Variants in SLIT3 observed in about 807,000 individuals in gnomAD.
The protein encoded by SLIT3 is slit guidance ligand 3.
In SLIT3, 68 loss-of-function variants were observed where a neutral mutation model predicts 184.0. The ratio of observed to expected loss-of-function variants is 0.37; its 90% CI spans 0.30 to 0.45. SLIT3 has a LOEUF of 0.45. Ranked by LOEUF, SLIT3 falls within the 20% of genes least tolerant of loss-of-function variation. The probability of loss-of-function intolerance (pLI) is 1.00; values close to 1 mark genes in which losing one functional copy is unlikely to be tolerated. For synonymous variants in SLIT3, 831 were observed against 828.6 expected, an observed-to-expected ratio of 1.00 and a Z score of -0.05; for missense variants, 1,707 against 2,026.0, an observed-to-expected ratio of 0.84 and a Z score of 3.02.
At chr5:169,159,294 C>T (rs1762401296) in intron 4 of SLIT3, among the ~76,000 whole-genome samples, 1 of 152,180 alleles carries the variant, frequency 6.6e-6, no homozygotes, top group African/African-American at 2.4e-5. Flanking sequence ...TGCATGGTGG[C>T]ACATGCCTGT....
chr5:168,783,724 A>C (rs1163357101), intron 12 of SLIT3, among the ~76,000 whole-genome samples: 1 of 152,160 alleles, frequency 6.6e-6, no homozygotes, highest in African/African-American at 2.4e-5. Context: ...CAGGCTGAAC[A>C]CTAAATTAGA....
intron 3 of SLIT3, among the ~76,000 whole-genome samples, chr5:169,243,590 C>T (rs534863541): frequency 1.4e-4 from 21 of 152,192 alleles, no homozygotes; most frequent in Admixed American, 2.0e-4. Context: ...TACTAACTGA[C>T]GTGCAATGGG....
At chr5:169,159,563 C>G (rs1371569350) in intron 4 of SLIT3, among the ~76,000 whole-genome samples, 1 of 152,162 alleles carries the variant, frequency 6.6e-6, no homozygotes, top group Non-Finnish European at 1.5e-5. Context: ...ATCACAAGGT[C>G]AGCACATCGA....
At chr5:169,066,500 T>C (rs1310161925) in intron 4 of SLIT3, among the ~76,000 whole-genome samples, 1 of 152,182 alleles carries the variant, frequency 6.6e-6, no homozygotes, top group African/African-American at 2.4e-5. Context: ...CCCTGTGCCT[T>C]GAAACCTAGG....
At chr5:169,159,138 G>A (rs957452233) in intron 4 of SLIT3, among the ~76,000 whole-genome samples, 23 of 151,588 alleles carry the variant, frequency 1.5e-4, no homozygotes, top group South Asian at 4.2e-4. Context: ...TAATCCCAGC[G>A]TTTTGGGAGG....
At chr5:168,841,174 G>A (rs573279494) in intron 6 of SLIT3, among the ~76,000 whole-genome samples, 2 of 152,294 alleles carry the variant, frequency 1.3e-5, no homozygotes, top group South Asian at 4.1e-4. Flanking sequence ...CATCCAAAAG[G>A]CAGCTTGGTA....
intron 6 of SLIT3, among the ~76,000 whole-genome samples, chr5:168,828,409 C>A (rs543889053): frequency 1.3e-5 from 2 of 152,108 alleles, no homozygotes; most frequent in Non-Finnish European, 2.9e-5. Flanking sequence ...AGCGGGAGGA[C>A]TGCTTGAGCC....
At chr5:168,999,374 A>G (rs1030981656) in intron 4 of SLIT3, among the ~76,000 whole-genome samples, 1 of 151,502 alleles carries the variant, frequency 6.6e-6, no homozygotes, top group African/African-American at 2.4e-5. Context: ...TGGTTTTCTG[A>G]TTGGATAAAC....
intron 4 of SLIT3, among the ~76,000 whole-genome samples, chr5:169,192,701 G>A (rs1581038783): frequency 6.6e-6 from 1 of 152,294 alleles, no homozygotes; most frequent in South Asian, 2.1e-4. Context: ...ATCCAGGACT[G>A]TGTCGCTTCA....
At chr5:169,274,190 A>T (rs1766726235) in intron 1 of SLIT3, among the ~76,000 whole-genome samples, 1 of 152,148 alleles carries the variant, frequency 6.6e-6, no homozygotes, top group Admixed American at 6.5e-5. Context: ...CAAGCCCTCC[A>T]GGTGATTCTG....
At chr5:169,256,850 G>C (rs956602849) in intron 1 of SLIT3, among the ~76,000 whole-genome samples, 6 of 152,060 alleles carry the variant, frequency 3.9e-5, no homozygotes, top group Admixed American at 2.0e-4. Context: ...CAAGCTCAAA[G>C]GAGAAAAGAC....
chr5:169,288,737 T>C (rs1288932376), intron 1 of SLIT3, among the ~76,000 whole-genome samples: 1 of 152,230 alleles, frequency 6.6e-6, no homozygotes, highest in Admixed American at 6.5e-5. Flanking sequence ...CTGTCACTTA[T>C]TAATTACCCA....
At chr5:168,867,792 G>C (rs978457043) in intron 5 of SLIT3, among the ~76,000 whole-genome samples, 4 of 151,442 alleles carry the variant, frequency 2.6e-5, no homozygotes, top group Non-Finnish European at 1.5e-5. Flanking sequence ...ACTGATTCAA[G>C]GGATTATGGC....
chr5:168,839,507 A>G (rs1758169688), intron 6 of SLIT3, among the ~76,000 whole-genome samples: 1 of 152,200 alleles, frequency 6.6e-6, no homozygotes, highest in Non-Finnish European at 1.5e-5. Context: ...GAAGCTGGAA[A>G]TCTGGGCTTT....
chr5:168,698,165 T>G (rs1364608343), intron 27 of SLIT3, among the ~76,000 whole-genome samples: 1 of 152,198 alleles, frequency 6.6e-6, no homozygotes, highest in Non-Finnish European at 1.5e-5. Flanking sequence ...GAGAAGCATG[T>G]GTATGAAGAG....
chr5:168,809,104 AG>A (rs1183547857), intron 8 of SLIT3, among the ~76,000 whole-genome samples: 3 of 152,210 alleles, frequency 2.0e-5, no homozygotes, highest in Non-Finnish European at 4.4e-5. Context: ...ACCATATTCA[AG>A]GGCTTATAAT....
At chr5:168,818,895 A>G (rs1395733637) in intron 7 of SLIT3, among the ~76,000 whole-genome samples, 2 of 152,268 alleles carry the variant, frequency 1.3e-5, no homozygotes, top group African/African-American at 4.8e-5. Flanking sequence ...TCCAGATCCC[A>G]TCATATCAGA....
intron 4 of SLIT3, among the ~76,000 whole-genome samples, chr5:169,008,605 C>T (rs1756019403): frequency 6.6e-6 from 1 of 152,176 alleles, no homozygotes; most frequent in Non-Finnish European, 1.5e-5. Context: ...GGATGAGCCA[C>T]ACGGTCTCTC....
At chr5:169,174,811 C>A (rs2113425861) in intron 4 of SLIT3, among the ~76,000 whole-genome samples, 1 of 152,256 alleles carries the variant, frequency 6.6e-6, no homozygotes, top group East Asian at 1.9e-4. Context: ...CCTGTCCCAC[C>A]TGCATATTTC....
Sources: allele counts gnomAD v4.1 joint callset (sites outside exome capture counted in the v4.1 genomes callset), GRCh38; gene constraint gnomAD v4.1.1; transcripts MANE v1.5; gene names NCBI Gene and HGNC (gene_info 2026-07-23, HGNC 2026-07-21).